Variants in PIEZO2 observed in about 807,000 individuals in gnomAD.
PIEZO2 encodes piezo type mechanosensitive ion channel component 2.
PIEZO2 carries 172 observed loss-of-function variants against 337.3 expected under a neutral mutation model. That is an observed-to-expected ratio of 0.51 (90% CI 0.45 to 0.58). The LOEUF is 0.58. Ranked by LOEUF, PIEZO2 falls within the 20% of genes least tolerant of loss-of-function variation. The pLI is 0.00. For missense variants in PIEZO2, 3,028 were observed against 3,391.3 expected (o/e 0.89, Z 2.66); for synonymous variants, 1,251 against 1,228.5 (o/e 1.02, Z -0.38).
intron 2 of PIEZO2, among the ~76,000 whole-genome samples, chr18:11,042,057 A>G (rs1312237055): frequency 6.6e-6 from 1 of 152,218 alleles, no homozygotes; most frequent in Non-Finnish European, 1.5e-5. Flanking sequence ...CTCTCTGGTA[A>G]AAATGCTGCC....
At chr18:11,023,827 C>G (rs569111818) in intron 2 of PIEZO2, among the ~76,000 whole-genome samples, 10 of 152,320 alleles carry the variant, frequency 6.6e-5, no homozygotes, top group African/African-American at 2.2e-4. Context: ...AGAATTCGAG[C>G]GCAGCGCCGG....
At chr18:10,762,832 C>A in intron 22 of PIEZO2, 90 bp downstream of exon 22, 1 of 1,439,564 alleles carries the variant, frequency 6.9e-7, no homozygotes, top group South Asian at 1.4e-5. Flanking sequence ...CCAGGTCAGG[C>A]CAAATGTGCT....
At chr18:10,742,228 G>T (rs1219205524) in intron 32 of PIEZO2, among the ~76,000 whole-genome samples, 1 of 152,208 alleles carries the variant, frequency 6.6e-6, no homozygotes, top group Non-Finnish European at 1.5e-5. Flanking sequence ...AGAAACAGAT[G>T]TCTGTGGAAC....
intron 2 of PIEZO2, among the ~76,000 whole-genome samples, chr18:11,014,008 T>C (rs931002832): frequency 6.6e-6 from 1 of 152,046 alleles, no homozygotes; most frequent in African/African-American, 2.4e-5. Flanking sequence ...CCGAGAAGAA[T>C]GAAAAGGTAA....
At chr18:10,999,182 A>T (rs1466485126) in intron 2 of PIEZO2, among the ~76,000 whole-genome samples, 1 of 140,878 alleles carries the variant, frequency 7.1e-6, no homozygotes, top group Non-Finnish European at 1.6e-5. Context: ...GAAAGGCAAC[A>T]GCAAAAAAAA....
At chr18:11,087,941 T>C (rs2038961045) in intron 1 of PIEZO2, among the ~76,000 whole-genome samples, 1 of 152,266 alleles carries the variant, frequency 6.6e-6, no homozygotes, top group South Asian at 2.1e-4. Flanking sequence ...TCTGTTTCTC[T>C]GTTCACCTTC....
At chr18:10,798,245 T>C (rs2039680481) in intron 11 of PIEZO2, among the ~76,000 whole-genome samples, 1 of 152,262 alleles carries the variant, frequency 6.6e-6, no homozygotes, top group African/African-American at 2.4e-5. Context: ...TACTAAGTGC[T>C]GTTCTAAGCC....
At chr18:10,948,014 GAAAGA>G (rs2033112878) in intron 3 of PIEZO2, among the ~76,000 whole-genome samples, 1 of 151,948 alleles carries the variant, frequency 6.6e-6, no homozygotes, top group Admixed American at 6.6e-5. Flanking sequence ...AAAGAAAAAA[GAAAGA>G]AAAGAACAGA....
chr18:10,928,313 T>C (rs1397202963), intron 3 of PIEZO2, among the ~76,000 whole-genome samples: 1 of 152,126 alleles, frequency 6.6e-6, no homozygotes, highest in African/African-American at 2.4e-5. Flanking sequence ...ACAGAAGTCT[T>C]ACCAAAGTCA....
intron 2 of PIEZO2, among the ~76,000 whole-genome samples, chr18:11,014,725 TG>T (rs2036040204): frequency 8.2e-6 from 1 of 122,036 alleles, no homozygotes. Flanking sequence ...CATTCCTCAC[TG>T]GTGGGCACTT....
intron 3 of PIEZO2, among the ~76,000 whole-genome samples, chr18:10,944,308 A>T (rs940045467): frequency 3.3e-5 from 5 of 151,878 alleles, no homozygotes; most frequent in African/African-American, 1.2e-4. Flanking sequence ...TTTAAAAACT[A>T]AAAAATAAAA....
chr18:10,883,491 T>C (rs1486212268), intron 4 of PIEZO2, among the ~76,000 whole-genome samples: 1 of 152,184 alleles, frequency 6.6e-6, no homozygotes, highest in Non-Finnish European at 1.5e-5. Flanking sequence ...ATTTATTACG[T>C]AGCTAGGCAT....
intron 50 of PIEZO2, 23 bp from the exon 51 acceptor site, chr18:10,681,776 T>C: frequency 6.5e-7 from 1 of 1,541,980 alleles, no homozygotes; most frequent in African/African-American, 1.4e-5. Context: ...GAGAACAGTG[T>C]TGTCAATATT....
rs370021633 is a variant in PIEZO2 at position 10,736,586 on chromosome 18, G to A, written c.4815+18C>T. ...AAGCTCTTCCAACTAGCAAAGAAAT[G>A]ATTTTCCCCATAATTACCTGGAATG... On this transcript the variant is annotated intron_variant, in intron 34 of 55. Coordinates refer to ENST00000674853, the MANE Select transcript of PIEZO2 (RefSeq NM_001378183.1). The A allele has an allele frequency of 2.0e-6, 3 of 1,536,652 alleles. No individual in the cohort carries two copies. Among genetic ancestry groups the A allele is most frequent in the Admixed American group, 3.9e-5 (2 of 50,904 alleles).
intron 1 of PIEZO2, among the ~76,000 whole-genome samples, chr18:11,145,711 TCA>T (rs1389446767): frequency 6.6e-6 from 1 of 152,190 alleles, no homozygotes; most frequent in Non-Finnish European, 1.5e-5. Context: ...CAGAAAAGAA[TCA>T]AATGCTCAAA....
rs931243514 is a variant in PIEZO2, at chr18:10,682,623, G to A, written c.7498-331C>T. On this transcript the variant is annotated intron_variant, in intron 49 of 55. Coordinates refer to ENST00000674853, the MANE Select transcript of PIEZO2 (RefSeq NM_001378183.1). This position sits in a 1 kb window ranked among gnomAD's most constrained non-coding sequence, Gnocchi z 5.6. ...GGACCAAGGGATCAAGTATCCGGCC[G>A]AATGAACCTTCTGGTTTTAAGGGAT... Among the ~76,000 whole-genome samples the A allele has an allele frequency of 3.9e-5, 6 of 152,134 alleles. No individual in the cohort carries two copies. Among genetic ancestry groups the A allele is most frequent in the Admixed American group, 2.6e-4 (4 of 15,274 alleles).
chr18:11,135,458 C>T (rs1305369111), intron 1 of PIEZO2, among the ~76,000 whole-genome samples: 1 of 152,126 alleles, frequency 6.6e-6, no homozygotes, highest in Non-Finnish European at 1.5e-5. Context: ...CTATTAAATC[C>T]ACACTTCAAA....
rs558465088 is a variant in PIEZO2, at chr18:10,913,643, G to A, written c.287-2415C>T. ...CTATATTGTTAGGCTTTTTTAACAG[G>A]GAGTTTTAATTTAAAAATAAGTCCC... On this transcript the variant is annotated intron_variant, in intron 3 of 55. Coordinates refer to ENST00000674853, the MANE Select transcript of PIEZO2 (RefSeq NM_001378183.1). Among the ~76,000 whole-genome samples the A allele has an allele frequency of 5.3e-5, 8 of 151,838 alleles. No individual in the cohort carries two copies. The South Asian group carries it at 1.3e-3, about 24-fold the overall frequency.
In PIEZO2 at chr18:10,973,294, C is replaced by G. The variant is rs1298619011; in HGVS notation, c.286+6241G>C. Among the ~76,000 whole-genome samples the G allele has an allele frequency of 6.6e-6, 1 of 152,194 alleles. No individual in the cohort carries two copies. Among genetic ancestry groups the G allele is most frequent in the East Asian group, 1.9e-4 (1 of 5,190 alleles). On this transcript the variant is annotated intron_variant, in intron 3 of 55. Transcript: ENST00000674853. This position sits in a 1 kb window ranked among gnomAD's most constrained non-coding sequence, Gnocchi z 4.9. ...TAAAAACAATGTGTATTCATTACTC[C>G]AAGAGCGTTGACTCCATCAGATATT...
Sources: gnomAD v4.1 joint callset for allele counts (sites outside exome capture counted in the v4.1 genomes callset) on GRCh38, gnomAD v4.1.1 for gene constraint, Gnocchi (gnomAD v3.1) non-coding constraint, MANE v1.5 for transcripts, NCBI Gene and HGNC (gene_info 2026-07-23, HGNC 2026-07-21) for gene names.